The following SDR16C5 variants were observed in gnomAD, a reference collection of about 807,000 sequenced individuals.
SDR16C5 encodes epidermal retinol dehydrogenase 2.
Under a neutral mutation model 27.7 loss-of-function variants are expected in SDR16C5, and 20 were observed. The ratio of observed to expected loss-of-function variants is 0.72; its 90% CI spans 0.51 to 1.05. The LOEUF is 1.05. Ranked by LOEUF, SDR16C5 falls within the 50% of genes least tolerant of loss-of-function variation. The pLI, the probability that SDR16C5 is intolerant of heterozygous loss-of-function variation, is 0.00. For missense variants in SDR16C5, 374 were observed against 366.3 expected, an observed-to-expected ratio of 1.02 and a Z score of -0.17; for synonymous variants, 139 against 132.3, an observed-to-expected ratio of 1.05 and a Z score of -0.35.
At chr8:56,304,103 G>T (rs1205549772) in intron 6 of SDR16C5, 2 of 702,080 alleles carry the variant, frequency 2.8e-6, no homozygotes, top group South Asian at 1.5e-5. Flanking sequence ...ATGATAGTAT[G>T]CAAGAATGAC....
rs1057391499 is a variant in SDR16C5 at position 56,306,784 on chromosome 8, G to T, written c.602C>A (p.Ala201Asp). Residue 201 changes from alanine (A) to aspartate (D), a missense_variant, in exon 5 of 7, where the codon GCT (alanine) becomes GAT (aspartate). By Grantham distance (126) the Ala-to-Asp change is moderately radical (BLOSUM62 -2). Transcript: ENST00000303749. ...CASKFAAFGF[A>D]ESVFVETFVQ... ...AAATGTTTCTACAAATACAGATTCA[G>T]CAAACCCAAAGGCTGCAAATTTACT... The T allele has an allele frequency of 6.2e-7, 1 of 1,613,086 alleles. No homozygotes were observed. Among genetic ancestry groups the T allele is most frequent in the African/African-American group, 1.3e-5 (1 of 74,902 alleles).
At chr8:56,310,491 G>A (rs913451924) in intron 3 of SDR16C5, among the ~76,000 whole-genome samples, 7 of 151,704 alleles carry the variant, frequency 4.6e-5, no homozygotes, top group Admixed American at 2.0e-4. Context: ...AGGCTGAGGC[G>A]GGCGGATCAC....
At chr8:56,306,412 G>C (rs1363480710) in intron 5 of SDR16C5, among the ~76,000 whole-genome samples, 2 of 152,148 alleles carry the variant, frequency 1.3e-5, no homozygotes, top group African/African-American at 4.8e-5. Flanking sequence ...GGCAGGAAGG[G>C]GATGTGGCCC....
chr8:56,317,964 A>T (rs1484980253), intron 1 of SDR16C5, among the ~76,000 whole-genome samples: 3 of 152,204 alleles, frequency 2.0e-5, no homozygotes, highest in Non-Finnish European at 2.9e-5. Flanking sequence ...CAACAAATAA[A>T]CAGATCGTTA....
At chr8:56,317,725 T>C (rs1815237110) in intron 1 of SDR16C5, among the ~76,000 whole-genome samples, 1 of 152,248 alleles carries the variant, frequency 6.6e-6, no homozygotes, top group African/African-American at 2.4e-5. Flanking sequence ...CCCAGGCTGT[T>C]GTTCCTGGCT....
At chr8:56,314,364 A>G (rs376506886) in intron 2 of SDR16C5, among the ~76,000 whole-genome samples, 1 of 152,188 alleles carries the variant, frequency 6.6e-6, no homozygotes, top group African/African-American at 2.4e-5. Context: ...ATAATAAGCT[A>G]GTAATATGAC....
rs751042227 is a variant in SDR16C5 at position 56,304,110 on chromosome 8, TGA to T, written c.836+1485_836+1486del. 90 of 701,880 alleles carry T rather than the reference TGA, an allele frequency of 1.3e-4. 1 individual carries two copies. In the East Asian group the frequency reaches 1.7e-3, roughly 13 times the overall value. 43.5% of individuals were successfully genotyped at this position (701,880 alleles called of 1,614,324 possible). A position where few individuals can be genotyped will look rare whatever the true frequency, so the allele number is the denominator to read the frequency against. On this transcript the variant is annotated intron_variant, in intron 6 of 6. Coordinates refer to ENST00000303749, the MANE Select transcript of SDR16C5 (RefSeq NM_138969.4). ...CTGGAAAAATGATAGTATGCAAGAA[TGA>T]CATTTGGTTCATTGCACAAAGTAGA...
In SDR16C5 at chr8:56,301,512, C is replaced by T; in HGVS notation, c.898G>A (p.Asp300Asn). 1.2e-6 allele frequency: 2 copies of T among 1,614,140 alleles called. No homozygotes were observed. Among genetic ancestry groups the T allele is most frequent in the Non-Finnish European group, 1.7e-6 (2 of 1,179,978 alleles). The change falls in exon 7 of 7, where the codon GAT becomes AAT. Residue 300 changes from aspartate to asparagine, a missense_variant. Coordinates refer to ENST00000303749, the MANE Select transcript of SDR16C5 (RefSeq NM_138969.4). ...ADYLGILHAMDGFVDQKKKL is the reference protein window; with the variant it reads ...ADYLGILHAMNGFVDQKKKL ...TTCTTCTTTTGGTCAACAAAGCCAT[C>T]CATTGCATGAAGGATGCCCAAATAG...
intron 1 of SDR16C5, among the ~76,000 whole-genome samples, chr8:56,317,620 C>A (rs940697653): frequency 3.3e-5 from 5 of 152,130 alleles, no homozygotes; most frequent in African/African-American, 4.8e-5. Flanking sequence ...CTGAAGTCAG[C>A]CTAGTTGCGG....
Position 56,312,953 on chromosome 8 carries a change from T to G in SDR16C5, c.334-665A>C, listed in dbSNP as rs534716462. 2.6e-5 allele frequency among the ~76,000 whole-genome samples: 4 copies of G among 152,108 alleles called. No individual in the cohort carries two copies. The East Asian group carries it at 7.9e-4, about 30-fold the overall frequency. ...CACCACACCCGGCTAATTTTTTGTA[T>G]TTTTAGTAGAGACAGGTTTTCACCG... On this transcript the variant is annotated intron_variant, in intron 2 of 6. Transcript: ENST00000303749.
intron 1 of SDR16C5, among the ~76,000 whole-genome samples, chr8:56,319,396 T>C (rs960485173): frequency 3.9e-5 from 6 of 152,238 alleles, no homozygotes; most frequent in Non-Finnish European, 8.8e-5. Context: ...TCCCTGGCTA[T>C]ATCAATTAAA....
intron 6 of SDR16C5, among the ~76,000 whole-genome samples, chr8:56,302,497 A>C (rs1038473025): frequency 1.3e-5 from 2 of 151,804 alleles, no homozygotes; most frequent in Non-Finnish European, 2.9e-5. Context: ...ACATGGTGAA[A>C]CCCCATCTCT....
chr8:56,309,172 C>A (rs1233710035), intron 3 of SDR16C5, 145 bp from the exon 4 acceptor site: 17 of 929,786 alleles, frequency 1.8e-5, no homozygotes, highest in Non-Finnish European at 2.2e-5. Context: ...ACTTAAACAT[C>A]TGGAAAGTAA....
intron 3 of SDR16C5, among the ~76,000 whole-genome samples, chr8:56,311,070 A>G (rs1815033147): frequency 2.6e-5 from 4 of 152,176 alleles, no homozygotes; most frequent in African/African-American, 9.7e-5. Context: ...GAGCTCAGAA[A>G]TCTCCAGCAA....
chr8:56,309,577 T>C (rs7011286), intron 3 of SDR16C5: 569,665 of 982,658 alleles, frequency 0.58, 165,796 homozygotes, highest in Admixed American at 0.66. Context: ...TCACCCTTGA[T>C]TGGGGGCCTG....
Position 56,306,672 on chromosome 8 carries a change from T to C in SDR16C5, c.710+4A>G. On this transcript the variant is annotated splice_donor_region_variant and intron_variant, in intron 5 of 6. Coordinates refer to ENST00000303749, the MANE Select transcript of SDR16C5 (RefSeq NM_138969.4). ...GATTCTTTGAAATTAAAGGACATAC[T>C]TACCCTGTAGTACAACCTTCAAACA... The C allele has an allele frequency of 6.3e-7, 1 of 1,595,850 alleles. No homozygotes were observed. Among genetic ancestry groups the C allele is most frequent in the Non-Finnish European group, 8.5e-7 (1 of 1,173,338 alleles).
Position 56,305,706 on chromosome 8 carries a change from G to C in SDR16C5, c.727C>G (p.Pro243Ala). The change falls in exon 6 of 7, where the codon CCA becomes GCA. Residue 243 changes from proline to alanine, a missense_variant. By Grantham distance (27) the Pro-to-Ala change is conservative. Coordinates refer to ENST00000303749, the MANE Select transcript of SDR16C5 (RefSeq NM_138969.4). ...GCTTGCPSLL[P>A]ILEPKYAVEK... ...ACTGCATATTTTGGTTCCAGAATTG[G>C]CAACAGAGAAGGACAGCTAGGATAT... 6.3e-7 allele frequency: 1 copy of C among 1,592,336 alleles called. No homozygotes were observed. The highest frequency in any genetic ancestry group is 8.5e-7 in the Non-Finnish European group (1 of 1,173,128).
intron 1 of SDR16C5, among the ~76,000 whole-genome samples, chr8:56,317,519 T>C (rs1343293931): frequency 1.3e-5 from 2 of 152,056 alleles, no homozygotes; most frequent in Non-Finnish European, 2.9e-5. Context: ...CTTCTCTGAA[T>C]GGGGTGTTTA....
chr8:56,309,606 G>GACAGAAATGAGCTTTGGA (rs1814973341), intron 3 of SDR16C5: 1 of 983,540 alleles, frequency 1.0e-6, no homozygotes, highest in Non-Finnish European at 1.2e-6. Context: ...AGGTAAAAGA[G>GACAGAAATGAGCTTTGGA]ACAGAAATGA....
Sources: allele counts gnomAD v4.1 joint callset (sites outside exome capture counted in the v4.1 genomes callset), GRCh38; gene constraint gnomAD v4.1.1; transcripts MANE v1.5; gene names NCBI Gene and HGNC (gene_info 2026-07-23, HGNC 2026-07-21).